NEO1: variants seen among roughly 807,000 people sequenced by gnomAD.
NEO1 encodes the protein neogenin 1, also known as neogenin.
In NEO1, 63 loss-of-function variants were observed where a neutral mutation model predicts 159.7. The observed-to-expected ratio is 0.39, with a 90% CI of 0.32 to 0.49. NEO1 has a LOEUF of 0.49. NEO1 is among the 20% of genes least tolerant of loss of function. The pLI is 0.85. For missense variants in NEO1, 1,615 were observed against 1,831.0 expected (o/e 0.88, Z 2.15); for synonymous variants, 633 against 662.0 (o/e 0.96, Z 0.67).
At chr15:73,115,331 G>A (rs975565175) in intron 1 of NEO1, among the ~76,000 whole-genome samples, 2 of 152,190 alleles carry the variant, frequency 1.3e-5, no homozygotes, top group East Asian at 1.9e-4. Flanking sequence ...GTGAGCCACC[G>A]TGCCCAGCCA....
Position 73,270,228 on chromosome 15 carries a change from T to C in NEO1, c.2713T>C (p.Tyr905His), listed in dbSNP as rs1030729285. ...WKTNIPANTK[Y>H]KNANATTLSY... ...AACCAACATCCCAGCAAACACCAAGTACAAGGTACTGACACATTTGCCCTG... is the reference window on the plus strand; with the variant it reads ...AACCAACATCCCAGCAAACACCAAGCACAAGGTACTGACACATTTGCCCTG... The change falls in exon 17 of 29, where the codon TAC becomes CAC. Residue 905 changes from tyrosine (Y) to histidine (H), a missense_variant. Coordinates refer to ENST00000261908, the MANE Select transcript of NEO1 (RefSeq NM_002499.4). 1 of 1,614,062 alleles carries C rather than the reference T, an allele frequency of 6.2e-7. No homozygotes were observed. The highest frequency in any genetic ancestry group is 1.7e-5 in the Admixed American group (1 of 60,002).
intron 1 of NEO1, among the ~76,000 whole-genome samples, chr15:73,065,806 C>T (rs1450985425): frequency 6.6e-6 from 1 of 151,958 alleles, no homozygotes; most frequent in Admixed American, 6.6e-5. Context: ...GAATTAAATT[C>T]CATTAGAATT....
chr15:73,177,270 A>G (rs2035333457), intron 6 of NEO1, among the ~76,000 whole-genome samples: 1 of 152,162 alleles, frequency 6.6e-6, no homozygotes, highest in East Asian at 1.9e-4. Flanking sequence ...ATAAAGATTA[A>G]TGACATACCT....
intron 5 of NEO1, among the ~76,000 whole-genome samples, chr15:73,174,731 T>G (rs11632433): frequency 0.07 from 10,665 of 152,226 alleles, 519 homozygotes; most frequent in Non-Finnish European, 0.097. Flanking sequence ...CCAAAAGCTC[T>G]TATATATAGA....
At chr15:73,165,856 C>T (rs1290382118) in intron 5 of NEO1, among the ~76,000 whole-genome samples, 2 of 152,222 alleles carry the variant, frequency 1.3e-5, no homozygotes, top group Non-Finnish European at 2.9e-5. Flanking sequence ...CTACCCAGTC[C>T]TCCTAATGTG....
Position 73,270,362 on chromosome 15 carries a change from C to G in NEO1, c.2765C>G (p.Pro922Arg). 1 of 1,614,072 alleles carries G rather than the reference C, an allele frequency of 6.2e-7. No homozygotes were observed. Among genetic ancestry groups the G allele is most frequent in the South Asian group, 1.1e-5 (1 of 91,070 alleles). Residue 922 changes from proline to arginine, a missense_variant, in exon 18 of 29, where the codon CCG (proline) becomes CGG (arginine). Physicochemically the swap from Pro to Arg is moderately radical, Grantham distance 103. Coordinates refer to ENST00000261908, the MANE Select transcript of NEO1 (RefSeq NM_002499.4). ...AGTTATTTGGTGACTGGTTTAAAGC[C>G]GAATACACTCTATGAATTCTCTGTG... Reference protein sequence around the residue: ...TLSYLVTGLKPNTLYEFSVMV... With the variant: ...TLSYLVTGLKRNTLYEFSVMV...
intron 11 of NEO1, among the ~76,000 whole-genome samples, chr15:73,251,672 A>G (rs2040079926): frequency 6.6e-6 from 1 of 152,190 alleles, no homozygotes; most frequent in South Asian, 2.1e-4. Context: ...ACACGAGCCA[A>G]ATTTTAACTG....
chr15:73,276,051 T>A (rs993768048), intron 21 of NEO1, among the ~76,000 whole-genome samples: 1 of 152,188 alleles, frequency 6.6e-6, no homozygotes, highest in Non-Finnish European at 1.5e-5. Context: ...TACTTTCTGT[T>A]GTGTGAAAGT....
chr15:73,292,068 C>T (rs970102574), intron 25 of NEO1, among the ~76,000 whole-genome samples: 1 of 152,150 alleles, frequency 6.6e-6, no homozygotes, highest in Non-Finnish European at 1.5e-5. Context: ...CTCTGGTCCC[C>T]AAGAGCAGCA....
intron 8 of NEO1, among the ~76,000 whole-genome samples, chr15:73,238,056 T>C (rs940398973): frequency 2.0e-5 from 3 of 152,116 alleles, no homozygotes; most frequent in Non-Finnish European, 2.9e-5. Context: ...AGAGCCAGCC[T>C]GTTCCCAAGC....
At chr15:73,182,186 A>T (rs2035649159) in intron 7 of NEO1, among the ~76,000 whole-genome samples, 1 of 152,060 alleles carries the variant, frequency 6.6e-6, no homozygotes, top group Admixed American at 6.5e-5. Flanking sequence ...CCACCCCTAT[A>T]ATTCAATCAT....
intron 1 of NEO1, among the ~76,000 whole-genome samples, chr15:73,095,578 A>AT (rs1200496603): frequency 6.6e-6 from 1 of 152,142 alleles, no homozygotes; most frequent in African/African-American, 2.4e-5. Context: ...TTTGATGGGG[A>AT]AAGATGTTTA....
chr15:73,174,407 G>A (rs2035163213), intron 5 of NEO1, among the ~76,000 whole-genome samples: 1 of 152,130 alleles, frequency 6.6e-6, no homozygotes, highest in Admixed American at 6.5e-5. Flanking sequence ...GCCGAAAATT[G>A]CCCACTGGGA....
chr15:73,278,122 C>G lies in NEO1; in HGVS notation c.3194-9C>G, dbSNP rs2041502280. 1.9e-6 allele frequency: 3 copies of G among 1,606,708 alleles called. No individual in the cohort carries two copies. The African/African-American group carries it at 4.0e-5, about 21-fold the overall frequency. On this transcript the variant is annotated splice_polypyrimidine_tract_variant and intron_variant, in intron 21 of 28. Coordinates refer to ENST00000261908, the MANE Select transcript of NEO1 (RefSeq NM_002499.4). ...GGGGTCATTATTGACATGATTTCTT[C>G]TCCTTTAGCCTCAGGGTCTGGAGGG...
At chr15:73,235,564 C>T (rs960379745) in intron 7 of NEO1, among the ~76,000 whole-genome samples, 2 of 152,190 alleles carry the variant, frequency 1.3e-5, no homozygotes, top group Non-Finnish European at 2.9e-5. Flanking sequence ...TTTCAGTATA[C>T]ATCGCAGTGA....
chr15:73,107,792 TAA>T (rs764772020), intron 1 of NEO1, among the ~76,000 whole-genome samples: 2 of 152,242 alleles, frequency 1.3e-5, no homozygotes, highest in African/African-American at 2.4e-5. Context: ...TTCAGAAATT[TAA>T]AAGACTTTGC....
chr15:73,126,311 C>T (rs566139889), intron 3 of NEO1, 106 bp from the exon 4 acceptor site: 1 of 1,014,696 alleles, frequency 9.9e-7, no homozygotes, highest in Admixed American at 2.5e-5. Context: ...CTCAAGCAGT[C>T]CTCCCTCCTC....
At chr15:73,120,631 CTTTTTT>C (rs11462324) in intron 2 of NEO1, among the ~76,000 whole-genome samples, 12 of 143,592 alleles carry the variant, frequency 8.4e-5, no homozygotes, top group Non-Finnish European at 1.8e-4. Flanking sequence ...ATTTTAAGTA[CTTTTTT>C]TTTTTTTAAC....
At chr15:73,145,597 C>T (rs2032823651) in intron 5 of NEO1, among the ~76,000 whole-genome samples, 1 of 152,028 alleles carries the variant, frequency 6.6e-6, no homozygotes. Context: ...ATGCTTCCTA[C>T]AAAAATCATG....
Sources: allele counts gnomAD v4.1 joint callset (sites outside exome capture counted in the v4.1 genomes callset), GRCh38; gene constraint gnomAD v4.1.1; transcripts MANE v1.5; gene names NCBI Gene and HGNC (gene_info 2026-07-23, HGNC 2026-07-21).